TAFA5: variants seen among roughly 807,000 people sequenced by gnomAD.
TAFA5 encodes the protein chemokine-like protein TAFA-5.
Under a neutral mutation model 15.3 loss-of-function variants are expected in TAFA5, and 6 were observed. That is an observed-to-expected ratio of 0.39 (90% confidence interval 0.21 to 0.77). The LOEUF (loss-of-function observed/expected upper bound fraction) is 0.77. Among genes scored for constraint, TAFA5 ranks in the 30% least tolerant of loss-of-function variants. The probability of loss-of-function intolerance (pLI) is 0.41; values close to 1 mark genes in which losing one functional copy is unlikely to be tolerated. For synonymous variants in TAFA5, 103 were observed against 80.7 expected (o/e 1.28, Z -1.48); for missense variants, 161 against 193.1 (o/e 0.83, Z 0.98).
intron 1 of TAFA5, among the ~76,000 whole-genome samples, chr22:48,510,592 G>A (rs1432004643): frequency 2.6e-5 from 4 of 152,248 alleles, no homozygotes; most frequent in African/African-American, 7.2e-5. Context: ...TGAACTGCTT[G>A]TAGGGCAATG....
At chr22:48,542,593 G>C (rs1469834112) in intron 1 of TAFA5, among the ~76,000 whole-genome samples, 1 of 102,824 alleles carries the variant, frequency 9.7e-6, no homozygotes, top group African/African-American at 4.0e-5. Context: ...CGGGTGTGTG[G>C]TGTGTATGTG....
rs111588994 is a variant in TAFA5 at position 48,598,795 on chromosome 22, A to G, written c.113-47802A>G. 2.0e-3 allele frequency among the ~76,000 whole-genome samples: 311 copies of G among 152,258 alleles called. 3 individuals are homozygous for G. The highest frequency in any genetic ancestry group is 7.0e-3 in the African/African-American group (293 of 41,566). The stretch of plus-strand genomic sequence containing the variant: ...TCCCACAAGACTGCTCCCCCTTCAG[A>G]TACCAAGTCCAAGTGCCACCAGTGG... On this transcript the variant is annotated intron_variant, in intron 1 of 3. Coordinates refer to ENST00000402357, the MANE Select transcript of TAFA5 (RefSeq NM_001082967.3). The surrounding 1 kb of genome is among the most constrained non-coding windows in gnomAD (Gnocchi z 4.0).
chr22:48,741,241 G>A (rs890146323), intron 3 of TAFA5, among the ~76,000 whole-genome samples: 3 of 152,030 alleles, frequency 2.0e-5, no homozygotes, highest in Non-Finnish European at 2.9e-5. Flanking sequence ...AGCCGGAGTC[G>A]TCCTCACCGC....
chr22:48,516,892 C>G (rs546776682), intron 1 of TAFA5, among the ~76,000 whole-genome samples: 1 of 152,334 alleles, frequency 6.6e-6, no homozygotes, highest in Non-Finnish European at 1.5e-5. Flanking sequence ...CCATCCAGGT[C>G]CTGCTCTCAG....
chr22:48,601,797 G>A lies in TAFA5; in HGVS notation c.113-44800G>A, dbSNP rs1277245152. On this transcript the variant is annotated intron_variant, in intron 1 of 3. Transcript: ENST00000402357. ...TGCACACACACCCCACGCCATCTGTGAGAGTGCGCCCTACGCCTTTCCACG... is the reference window on the plus strand; with the variant it reads ...TGCACACACACCCCACGCCATCTGTAAGAGTGCGCCCTACGCCTTTCCACG... Among the ~76,000 whole-genome samples the A allele has an allele frequency of 2.0e-5, 3 of 152,182 alleles. No homozygotes were observed. The East Asian group carries it at 5.8e-4, about 29-fold the overall frequency.
At chr22:48,677,300 T>C (rs921263896) in intron 2 of TAFA5, among the ~76,000 whole-genome samples, 2 of 152,224 alleles carry the variant, frequency 1.3e-5, no homozygotes, top group Non-Finnish European at 2.9e-5. Flanking sequence ...CCCGCTGTGC[T>C]CCCGACACCT....
In TAFA5 at chr22:48,744,978, A is replaced by G. The variant is rs548510310; in HGVS notation, c.391-4861A>G. The stretch of plus-strand genomic sequence containing the variant: ...ACCGTGTTAGTCAGGATGGTCTCGA[A>G]CTCCTGACCTCAGGTGATCCACCTG... On this transcript the variant is annotated intron_variant, in intron 3 of 3. Coordinates refer to ENST00000402357, the MANE Select transcript of TAFA5 (RefSeq NM_001082967.3). Among the ~76,000 whole-genome samples the G allele has an allele frequency of 1.4e-3, 217 of 152,020 alleles. 1 individual carries two copies. The highest frequency in any genetic ancestry group is 4.4e-3 in the African/African-American group (182 of 41,482).
chr22:48,527,294 G>C (rs1921813206), intron 1 of TAFA5, among the ~76,000 whole-genome samples: 1 of 152,184 alleles, frequency 6.6e-6, no homozygotes, highest in Admixed American at 6.5e-5. Context: ...GCCCAGGCCT[G>C]GGGGGTCTCT....
At chr22:48,533,858 G>T (rs1250334382) in intron 1 of TAFA5, among the ~76,000 whole-genome samples, 5 of 152,170 alleles carry the variant, frequency 3.3e-5, no homozygotes, top group Non-Finnish European at 7.3e-5. Flanking sequence ...AGCAGCAGCC[G>T]TGTGGCTGGA....
chr22:48,550,561 C>A lies in TAFA5; in HGVS notation c.112+60857C>A, dbSNP rs1412517045. ...AGTGTCTTGTATCAAAGCAGATATG[C>A]CCTGCCCCCTACCCTCATCCCACGG... On this transcript the variant is annotated intron_variant, in intron 1 of 3. Transcript: ENST00000402357. The surrounding 1 kb of genome is among the most constrained non-coding windows in gnomAD (Gnocchi z 4.1). Among the ~76,000 whole-genome samples the A allele has an allele frequency of 1.3e-5, 2 of 152,146 alleles. No homozygotes were observed. The highest frequency in any genetic ancestry group is 2.9e-5 in the Non-Finnish European group (2 of 68,022).
chr22:48,576,454 G>A (rs1391428290), intron 1 of TAFA5: 2 of 1,386,928 alleles, frequency 1.4e-6, no homozygotes, highest in East Asian at 3.0e-5. Context: ...GCGACTTCGG[G>A]GGCGTCGGCC....
intron 1 of TAFA5, among the ~76,000 whole-genome samples, chr22:48,599,243 A>G (rs568824052): frequency 6.6e-6 from 1 of 152,226 alleles, no homozygotes; most frequent in East Asian, 1.9e-4. Flanking sequence ...AACCCACTCA[A>G]TCTGCCTTGG....
At chr22:48,615,116 G>T (rs1194229695) in intron 1 of TAFA5, among the ~76,000 whole-genome samples, 1 of 152,174 alleles carries the variant, frequency 6.6e-6, no homozygotes. Flanking sequence ...CCCTTCAGGA[G>T]CCACCATCCC....
intron 1 of TAFA5, among the ~76,000 whole-genome samples, chr22:48,644,352 G>C (rs940155832): frequency 1.3e-5 from 2 of 152,160 alleles, no homozygotes; most frequent in African/African-American, 4.8e-5. Context: ...CCCCCTCCCC[G>C]CAGCCACGCA....
intron 1 of TAFA5, among the ~76,000 whole-genome samples, chr22:48,542,932 T>C (rs576264225): frequency 6.6e-6 from 1 of 150,730 alleles, no homozygotes; most frequent in East Asian, 2.0e-4. Flanking sequence ...TGGTGTACTG[T>C]CTGGGGTGTA....
chr22:48,586,796 C>T (rs1205491024), intron 1 of TAFA5, among the ~76,000 whole-genome samples: 2 of 152,252 alleles, frequency 1.3e-5, no homozygotes, highest in Non-Finnish European at 2.9e-5. Flanking sequence ...CCACTGTGTT[C>T]TCTAGAGAGT....
intron 3 of TAFA5, among the ~76,000 whole-genome samples, chr22:48,725,636 A>G (rs946558825): frequency 4.0e-5 from 6 of 151,034 alleles, no homozygotes; most frequent in Non-Finnish European, 5.9e-5. Flanking sequence ...TTAGTTGTGT[A>G]TTGGGAGCTG....
chr22:48,554,515 A>C (rs1301026314), intron 1 of TAFA5, among the ~76,000 whole-genome samples: 8 of 152,238 alleles, frequency 5.3e-5, no homozygotes, highest in African/African-American at 1.9e-4. Context: ...AATTCTGGAA[A>C]GGAGGGTATT....
intron 2 of TAFA5, among the ~76,000 whole-genome samples, chr22:48,689,537 G>A (rs1928472400): frequency 6.6e-6 from 1 of 152,206 alleles, no homozygotes; most frequent in African/African-American, 2.4e-5. Flanking sequence ...CCTCTGGGTG[G>A]AGACAAAGTG....
Sources: allele counts gnomAD v4.1 joint callset (sites outside exome capture counted in the v4.1 genomes callset), GRCh38; gene constraint gnomAD v4.1.1; non-coding constraint Gnocchi (gnomAD v3.1); transcripts MANE v1.5; gene names NCBI Gene and HGNC (gene_info 2026-07-23, HGNC 2026-07-21).